The following ITSN1 variants were observed in gnomAD, a reference collection of about 807,000 sequenced individuals.
The protein encoded by ITSN1 is intersectin-1.
ITSN1 carries 58 observed loss-of-function variants against 239.8 expected under a neutral mutation model. The ratio of observed to expected loss-of-function variants is 0.24; its 90% CI spans 0.20 to 0.30. ITSN1 has a LOEUF of 0.30. Ranked by LOEUF, ITSN1 falls within the 10% of genes least tolerant of loss-of-function variation. The pLI is 1.00. For missense variants in ITSN1, 1,558 were observed against 2,103.3 expected, an observed-to-expected ratio of 0.74 and a Z score of 5.07; for synonymous variants, 780 against 770.8, an observed-to-expected ratio of 1.01 and a Z score of -0.20.
chr21:33,780,548 A>G (rs2070080046), intron 14 of ITSN1, among the ~76,000 whole-genome samples: 1 of 152,228 alleles, frequency 6.6e-6, no homozygotes, highest in Non-Finnish European at 1.5e-5. Context: ...TTAGACATGC[A>G]TTACACAGAG....
chr21:33,834,248 G>A, intron 27 of ITSN1, 59 bp from the exon 28 acceptor site: 1 of 1,193,342 alleles, frequency 8.4e-7, no homozygotes, highest in South Asian at 1.2e-5. Context: ...GTTATAAAGT[G>A]AGCTGTATTA....
intron 29 of ITSN1, among the ~76,000 whole-genome samples, chr21:33,851,047 G>C (rs369231168): frequency 6.6e-6 from 1 of 152,206 alleles, no homozygotes; most frequent in Non-Finnish European, 1.5e-5. Flanking sequence ...TTCCCTTAAA[G>C]ATGAAAGCCA....
At chr21:33,837,156 TC>T (rs1310348607) in intron 29 of ITSN1, 1 of 1,379,598 alleles carries the variant, frequency 7.2e-7, no homozygotes, top group African/African-American at 1.5e-5. Flanking sequence ...GCAGTTTACC[TC>T]ATTTTACCTT....
Position 33,819,313 on chromosome 21 carries a change from T to C in ITSN1, c.3006T>C (p.Val1002=), listed in dbSNP as rs759713524. The C allele has an allele frequency of 5.0e-6, 8 of 1,613,290 alleles. No individual in the cohort carries two copies. The Admixed American group carries it at 1.2e-4, about 24-fold the overall frequency. The change falls in exon 24 of 40, where the codon GTT becomes GTC. Residue 1002 remains valine, a synonymous_variant. Coordinates refer to ENST00000381318, the MANE Select transcript of ITSN1 (RefSeq NM_003024.3). ...CCTCTCCAGCAGCCAAGCCGGTCGT[T>C]TCGGGAGAAGGTGAGGGCCTGAGTT... ...RVASPAAKPV[V]SGEEFIAMYT...
At chr21:33,703,138 A>C (rs1308066903) in intron 1 of ITSN1, among the ~76,000 whole-genome samples, 1 of 149,914 alleles carries the variant, frequency 6.7e-6, no homozygotes, top group Non-Finnish European at 1.5e-5. Flanking sequence ...CGTATATATA[A>C]ATTGTATATA....
At chr21:33,718,657 A>C (rs2065307041) in intron 1 of ITSN1, 140 bp from the exon 2 acceptor site, 1 of 655,644 alleles carries the variant, frequency 1.5e-6, no homozygotes, top group Non-Finnish European at 2.7e-6. Flanking sequence ...TAACACGTGA[A>C]TGAATGAATT....
In ITSN1 at chr21:33,793,853, G is replaced by C. The variant is rs149348366; in HGVS notation, c.1825-488G>C. ...AGGTCAAAGAATTGAGGAGCAAAGA[G>C]ATGTCCATTTGTTCTAAGGCAGCTT... On this transcript the variant is annotated intron_variant, in intron 16 of 39. Transcript: ENST00000381318. Among the ~76,000 whole-genome samples, 775 of 152,364 alleles carry C rather than the reference G, an allele frequency of 5.1e-3. 7 individuals carry two copies. Among genetic ancestry groups the C allele is most frequent in the African/African-American group, 0.018 (735 of 41,584 alleles).
In ITSN1 at chr21:33,774,982, T is replaced by A; in HGVS notation, c.1470T>A (p.His490Gln). ...ATTTGTTCAAGAATGATAAAAAGCA[T>A]CAACTAGAAGGGAAACTTCAAGATA... ...FELEALNDKK[H>Q]QLEGKLQDIR... Residue 490 changes from histidine to glutamine, a missense_variant, in exon 14 of 40, where the codon CAT becomes CAA. By Grantham distance (24) the His-to-Gln change is conservative. Around this residue, in one of 2 missense-constraint regions of ITSN1, gnomAD observed 982 missense variants for 1,209.9 expected, o/e 0.81. Transcript: ENST00000381318. 1 of 1,611,946 alleles carries A rather than the reference T, an allele frequency of 6.2e-7. No individual in the cohort carries two copies. The highest frequency in any genetic ancestry group is 8.5e-7 in the Non-Finnish European group (1 of 1,179,202).
chr21:33,692,746 A>G (rs2091604279), intron 1 of ITSN1, among the ~76,000 whole-genome samples: 1 of 152,144 alleles, frequency 6.6e-6, no homozygotes, highest in African/African-American at 2.4e-5. Context: ...AACATAAAAG[A>G]TAATTTTAAA....
intron 1 of ITSN1, among the ~76,000 whole-genome samples, chr21:33,711,950 C>A (rs113465901): frequency 6.6e-6 from 1 of 152,292 alleles, no homozygotes; most frequent in African/African-American, 2.4e-5. Context: ...TTTATATTTA[C>A]TCAGATGTTT....
chr21:33,678,715 TTTGGAGGGGTGGTG>T (rs2090747284), intron 1 of ITSN1, among the ~76,000 whole-genome samples: 1 of 152,094 alleles, frequency 6.6e-6, no homozygotes, highest in East Asian at 1.9e-4. Context: ...TTGTTGTTGT[TTTGGAGGGGTGGTG>T]GGGGATCCGA....
At chr21:33,803,478 A>G (rs367668183) in intron 20 of ITSN1, among the ~76,000 whole-genome samples, 1 of 152,350 alleles carries the variant, frequency 6.6e-6, no homozygotes, top group East Asian at 1.9e-4. Context: ...AAAAAATACA[A>G]TGAAGATTAA....
chr21:33,801,366 C>T (rs1219337648), intron 19 of ITSN1, among the ~76,000 whole-genome samples: 1 of 152,172 alleles, frequency 6.6e-6, no homozygotes, highest in Non-Finnish European at 1.5e-5. Context: ...ATATGTTTGG[C>T]ACTTAGAGAA....
At chr21:33,693,915 C>T (rs775450986) in intron 1 of ITSN1, among the ~76,000 whole-genome samples, 24 of 152,206 alleles carry the variant, frequency 1.6e-4, no homozygotes, top group Non-Finnish European at 2.4e-4. Flanking sequence ...CTTTATCCAG[C>T]TTACAAGTTT....
At chr21:33,853,125 A>C (rs1335661279) in intron 29 of ITSN1, among the ~76,000 whole-genome samples, 1 of 152,200 alleles carries the variant, frequency 6.6e-6, no homozygotes, top group Non-Finnish European at 1.5e-5. Context: ...TTCCAAGCCA[A>C]CATCATTGGC....
intron 33 of ITSN1, among the ~76,000 whole-genome samples, chr21:33,871,769 G>C (rs191433433): frequency 6.6e-6 from 1 of 151,922 alleles, no homozygotes; most frequent in Admixed American, 6.6e-5. Context: ...ATAGAATATA[G>C]AACTTGAAGT....
intron 16 of ITSN1, among the ~76,000 whole-genome samples, chr21:33,789,515 A>G (rs1170353769): frequency 6.6e-6 from 1 of 152,212 alleles, no homozygotes; most frequent in African/African-American, 2.4e-5. Flanking sequence ...AATCCTTCAA[A>G]AAAGTTAAAT....
chr21:33,691,144 A>G (rs923409214), intron 1 of ITSN1, among the ~76,000 whole-genome samples: 1 of 152,006 alleles, frequency 6.6e-6, no homozygotes, highest in African/African-American at 2.4e-5. Context: ...TTGTTTGTTT[A>G]CTTTCTGTTC....
intron 29 of ITSN1, among the ~76,000 whole-genome samples, chr21:33,848,522 A>T (rs2075054511): frequency 6.6e-6 from 1 of 152,172 alleles, no homozygotes; most frequent in Admixed American, 6.5e-5. Context: ...GAAGAGCATG[A>T]GCTCTAGGGT....
Sources: allele counts gnomAD v4.1 joint callset (sites outside exome capture counted in the v4.1 genomes callset), GRCh38; gene constraint gnomAD v4.1.1; regional missense constraint gnomAD v4.1.1; transcripts MANE v1.5; gene names NCBI Gene and HGNC (gene_info 2026-07-23, HGNC 2026-07-21).